Variants in VRK2 observed in about 807,000 individuals in gnomAD.
The protein encoded by VRK2 is serine/threonine-protein kinase VRK2.
In VRK2, 60 loss-of-function variants were observed where a neutral mutation model predicts 57.6. The observed-to-expected ratio is 1.04, with a 90% CI of 0.85 to 1.29. VRK2 has a LOEUF of 1.29. VRK2 is among the 50% of genes most tolerant of loss of function. VRK2 has a pLI of 0.00. For missense variants in VRK2, 705 were observed against 588.1 expected (o/e 1.20, Z -2.06); for synonymous variants, 231 against 199.2 (o/e 1.16, Z -1.35).
intron 1 of VRK2, among the ~76,000 whole-genome samples, chr2:57,915,451 A>T (rs1451806449): frequency 6.6e-6 from 1 of 152,192 alleles, no homozygotes; most frequent in Non-Finnish European, 1.5e-5. Flanking sequence ...TAAAGAAATC[A>T]GGTGAATGGA....
chr2:58,158,564 T>C (rs768681607), intron 12 of VRK2, among the ~76,000 whole-genome samples: 1 of 152,126 alleles, frequency 6.6e-6, no homozygotes, highest in Middle Eastern at 3.2e-3. Context: ...TGCTTTGTTT[T>C]ATAAATTTCT....
chr2:58,053,160 T>G (rs1676012556), intron 2 of VRK2, among the ~76,000 whole-genome samples: 1 of 152,234 alleles, frequency 6.6e-6, no homozygotes, highest in African/African-American at 2.4e-5. Flanking sequence ...TACTGCAGAT[T>G]AGTATCCTTA....
intron 1 of VRK2, among the ~76,000 whole-genome samples, chr2:57,990,881 A>T (rs999381050): frequency 1.4e-5 from 2 of 144,486 alleles, no homozygotes; most frequent in African/African-American, 5.5e-5. Flanking sequence ...ACACACACAC[A>T]CACATGCACA....
intron 1 of VRK2, among the ~76,000 whole-genome samples, chr2:57,916,518 T>G (rs1012156555): frequency 2.6e-5 from 4 of 151,934 alleles, no homozygotes; most frequent in African/African-American, 9.7e-5. Flanking sequence ...ATATTCACTA[T>G]ATCGACCCAC....
rs375576715 is a variant in VRK2, at chr2:57,999,700, T to G, written c.-438-25965T>G. On this transcript the variant is annotated intron_variant, in intron 1 of 15. Transcript: ENST00000417641. Reference sequence around the variant, plus strand: ...GTTGTAGCAAGCATATGTAGAAAGATAACAAAATTAGTTTTTAGAGTTAGT... The same window carrying G: ...GTTGTAGCAAGCATATGTAGAAAGAGAACAAAATTAGTTTTTAGAGTTAGT... 1.2e-4 allele frequency among the ~76,000 whole-genome samples: 19 copies of G among 152,300 alleles called. No individual in the cohort carries two copies. In the East Asian group the frequency reaches 3.1e-3, roughly 25 times the overall value.
intron 1 of VRK2, among the ~76,000 whole-genome samples, chr2:57,973,888 G>T (rs888371909): frequency 6.6e-6 from 1 of 151,760 alleles, no homozygotes; most frequent in Non-Finnish European, 1.5e-5. Context: ...TCTTCTTTAA[G>T]AAAGAGCCCA....
upstream of VRK2, among the ~76,000 whole-genome samples, chr2:58,043,650 G>A (rs1674554597): frequency 6.6e-6 from 1 of 152,130 alleles, no homozygotes; most frequent in Non-Finnish European, 1.5e-5. Context: ...CCAGTTGATG[G>A]AAATTTATTT....
At chr2:58,075,883 T>C (rs1350560255) in intron 2 of VRK2, among the ~76,000 whole-genome samples, 1 of 130,200 alleles carries the variant, frequency 7.7e-6, no homozygotes, top group Non-Finnish European at 1.8e-5. Flanking sequence ...CCCAATAAGA[T>C]GTGATTCTCT....
chr2:58,100,345 T>C (rs1673776657), intron 7 of VRK2, among the ~76,000 whole-genome samples: 1 of 152,008 alleles, frequency 6.6e-6, no homozygotes, highest in Non-Finnish European at 1.5e-5. Context: ...ATATAAACAA[T>C]ATAAAATTTA....
chr2:58,136,820 ATG>A (rs1229672829), intron 10 of VRK2, among the ~76,000 whole-genome samples: 9 of 143,554 alleles, frequency 6.3e-5, no homozygotes, highest in South Asian at 4.2e-4. Context: ...TATATCATAT[ATG>A]TGTGTATATA....
chr2:57,959,885 A>G (rs1347270696), intron 1 of VRK2, among the ~76,000 whole-genome samples: 1 of 152,084 alleles, frequency 6.6e-6, no homozygotes, highest in Non-Finnish European at 1.5e-5. Flanking sequence ...AGAGCAGGCA[A>G]TAGGAGGTAG....
chr2:57,951,924 CTTTT>C (rs77314112), intron 1 of VRK2, among the ~76,000 whole-genome samples: 2 of 128,750 alleles, frequency 1.6e-5, no homozygotes, highest in African/African-American at 2.9e-5. Context: ...TTTTTCCTTC[CTTTT>C]TTTTTTTTTT....
chr2:58,003,696 A>T (rs1673157010), intron 1 of VRK2, among the ~76,000 whole-genome samples: 1 of 152,152 alleles, frequency 6.6e-6, no homozygotes, highest in African/African-American at 2.4e-5. Flanking sequence ...TCTCAAAAGC[A>T]ATTGTTTCTA....
intron 2 of VRK2, among the ~76,000 whole-genome samples, chr2:58,065,816 A>G (rs1668527580): frequency 1.3e-5 from 2 of 152,080 alleles, no homozygotes; most frequent in African/African-American, 2.4e-5. Context: ...TACTAGTCCT[A>G]TACATGTATT....
chr2:58,107,154 G>A (rs1674880682), intron 7 of VRK2, among the ~76,000 whole-genome samples: 2 of 152,004 alleles, frequency 1.3e-5, no homozygotes, highest in South Asian at 2.1e-4. Context: ...TTGCCTTATG[G>A]TATCTTGTGG....
chr2:57,952,750 GA>G (rs111349440), intron 1 of VRK2, among the ~76,000 whole-genome samples: 10,317 of 120,590 alleles, frequency 0.086, 396 homozygotes, highest in Middle Eastern at 0.11. Flanking sequence ...AACTGAAAAT[GA>G]AAAAAAAAAA....
At chr2:58,137,156 T>TTATATATCATATATCATATATATCA (rs1680378990) in intron 10 of VRK2, among the ~76,000 whole-genome samples, 20 of 24,456 alleles carry the variant, frequency 8.2e-4, no homozygotes, top group South Asian at 6.1e-3. Flanking sequence ...TATCATGTGT[T>TTATATATCATATATCATATATATCA]TATATATATC....
chr2:57,984,984 T>C (rs529545565), intron 1 of VRK2, among the ~76,000 whole-genome samples: 2 of 151,854 alleles, frequency 1.3e-5, no homozygotes, highest in African/African-American at 4.8e-5. Flanking sequence ...AAAAATGTTA[T>C]GAGGGGGATT....
chr2:57,947,405 C>G (rs1671295157), intron 1 of VRK2, among the ~76,000 whole-genome samples: 1 of 152,098 alleles, frequency 6.6e-6, no homozygotes, highest in Non-Finnish European at 1.5e-5. Flanking sequence ...AAATCAATAA[C>G]ACAGATACTC....
Sources: allele counts gnomAD v4.1 joint callset (sites outside exome capture counted in the v4.1 genomes callset), GRCh38; gene constraint gnomAD v4.1.1; transcripts MANE v1.5; gene names NCBI Gene and HGNC (gene_info 2026-07-23, HGNC 2026-07-21).